Variants in KALRN observed in about 807,000 individuals in gnomAD.
The protein encoded by KALRN is kalirin RhoGEF kinase, also known as kalirin.
A neutral mutation model predicts 353.7 loss-of-function variants in KALRN; 70 were observed. The observed-to-expected ratio is 0.20, with a 90% CI of 0.16 to 0.24. The LOEUF (loss-of-function observed/expected upper bound fraction) is 0.24. Ranked by LOEUF, KALRN falls within the 10% of genes least tolerant of loss-of-function variation. KALRN has a pLI of 1.00. For missense variants in KALRN, 2,791 were observed against 3,756.7 expected, an observed-to-expected ratio of 0.74 and a Z score of 6.72; for synonymous variants, 1,391 against 1,434.8, an observed-to-expected ratio of 0.97 and a Z score of 0.69.
intron 15 of KALRN, 124 bp downstream of exon 15, chr3:124,423,102 C>G: frequency 1.3e-6 from 1 of 792,666 alleles, no homozygotes; most frequent in South Asian, 2.0e-5. Flanking sequence ...ACCAGCACTT[C>G]GAAAATAGGT....
intron 10 of KALRN, among the ~76,000 whole-genome samples, chr3:124,374,021 T>A (rs1205459845): frequency 6.6e-6 from 1 of 152,228 alleles, no homozygotes; most frequent in African/African-American, 2.4e-5. Flanking sequence ...ATGGTCTGAA[T>A]GTCTGTGTTT....
chr3:124,680,202 G>A (rs1264098071), intron 51 of KALRN, among the ~76,000 whole-genome samples: 3 of 152,264 alleles, frequency 2.0e-5, no homozygotes, highest in African/African-American at 7.2e-5. Flanking sequence ...CCTCTCCAGA[G>A]ATGGTGAGAT....
At chr3:124,425,119 A>G (rs900079088) in intron 15 of KALRN, among the ~76,000 whole-genome samples, 1 of 151,996 alleles carries the variant, frequency 6.6e-6, no homozygotes, top group Non-Finnish European at 1.5e-5. Context: ...TATAAGAGAT[A>G]GAGAAGGGTA....
At chr3:124,506,917 A>G (rs555783725) in intron 33 of KALRN, among the ~76,000 whole-genome samples, 2 of 152,262 alleles carry the variant, frequency 1.3e-5, no homozygotes, top group South Asian at 2.1e-4. Context: ...TAATTAATTC[A>G]TCAGTCATTT....
chr3:124,660,621 C>T (rs768627665), intron 43 of KALRN, among the ~76,000 whole-genome samples: 3 of 141,348 alleles, frequency 2.1e-5, no homozygotes, highest in Admixed American at 7.6e-5. Context: ...GCACAGGTTA[C>T]GGTGAGCCAA....
intron 57 of KALRN, among the ~76,000 whole-genome samples, chr3:124,707,971 A>C (rs2062718447): frequency 6.6e-6 from 1 of 152,188 alleles, no homozygotes. Context: ...GATGTAAACC[A>C]CTGCTCAGTG....
Position 124,235,019 on chromosome 3 carries a change from T to C in KALRN, c.263+76T>C. 3.0e-6 allele frequency: 3 copies of C among 1,006,114 alleles called. 1 individual carries two copies. The South Asian group carries it at 4.2e-5, about 14-fold the overall frequency. The allele number at this position is 1,006,114 out of a possible 1,614,324, so 62.3% of individuals were successfully genotyped here. A position where few individuals can be genotyped will look rare whatever the true frequency, so the allele number is the denominator to read the frequency against. ...ATGCCAGTTTTGGAAGGAGCCTCCA[T>C]CCCTGCCAGGGACCCTAGTGGTTTC... is the stretch of plus-strand genomic sequence containing the variant. On this transcript the variant is annotated intron_variant, in intron 3 of 59. Coordinates refer to ENST00000682506, the MANE Select transcript of KALRN (RefSeq NM_001388419.1).
chr3:124,297,870 A>C (rs1397501203), intron 5 of KALRN, among the ~76,000 whole-genome samples: 1 of 152,248 alleles, frequency 6.6e-6, no homozygotes, highest in East Asian at 1.9e-4. Flanking sequence ...GGCTGCCAGA[A>C]GAATGGCTGC....
chr3:124,298,883 G>A lies in KALRN; in HGVS notation c.1062G>A (p.Thr354=), dbSNP rs115909373. 1,588 of 1,614,162 alleles carry A rather than the reference G, an allele frequency of 9.8e-4. 13 individuals carry two copies. In the African/African-American group the frequency reaches 0.019, roughly 19 times the overall value. The change falls in exon 6 of 60, where the codon ACG becomes ACA. Residue 354 remains threonine (T), a synonymous_variant. Coordinates refer to ENST00000682506, the MANE Select transcript of KALRN (RefSeq NM_001388419.1). ...VSYQYALDLQ[T]QHNHFAMNSM... Reference sequence around the variant, plus strand: ...ACCAGTACGCCCTTGACCTCCAGACGCAGCACAATCACTTTGCCATGAACT... The same window carrying A: ...ACCAGTACGCCCTTGACCTCCAGACACAGCACAATCACTTTGCCATGAACT...
intron 33 of KALRN, among the ~76,000 whole-genome samples, chr3:124,516,274 C>T (rs145350798): frequency 6.6e-5 from 10 of 152,180 alleles, no homozygotes; most frequent in Admixed American, 2.0e-4. Flanking sequence ...GATTAAGAAC[C>T]GCTTTGAAGT....
chr3:124,450,298 G>A (rs2058654532), intron 21 of KALRN, among the ~76,000 whole-genome samples: 1 of 152,138 alleles, frequency 6.6e-6, no homozygotes, highest in South Asian at 2.1e-4. Flanking sequence ...GACTAATAAT[G>A]TTAAGAAAAT....
At chr3:124,282,669 G>A (rs140430886) in intron 5 of KALRN, among the ~76,000 whole-genome samples, 50 of 152,246 alleles carry the variant, frequency 3.3e-4, no homozygotes, top group African/African-American at 1.1e-3. Context: ...GAGCCACCAC[G>A]CCTGGCCTCT....
At chr3:124,256,529 A>C (rs1381499401) in intron 3 of KALRN, among the ~76,000 whole-genome samples, 1 of 152,184 alleles carries the variant, frequency 6.6e-6, no homozygotes, top group Admixed American at 6.5e-5. Flanking sequence ...AACTGTGCCT[A>C]ATAAAACCAC....
intron 28 of KALRN, among the ~76,000 whole-genome samples, chr3:124,486,941 G>A (rs1481319996): frequency 6.6e-6 from 1 of 152,140 alleles, no homozygotes; most frequent in Non-Finnish European, 1.5e-5. Flanking sequence ...AGACAGACCA[G>A]ATTTATCCTA....
chr3:124,701,444 G>C (rs1229415674), intron 56 of KALRN, among the ~76,000 whole-genome samples: 1 of 139,816 alleles, frequency 7.2e-6, no homozygotes, highest in African/African-American at 2.7e-5. Flanking sequence ...CTGGAGTGCA[G>C]TGGCGCGATC....
intron 33 of KALRN, among the ~76,000 whole-genome samples, chr3:124,506,242 A>G (rs977922295): frequency 6.6e-6 from 1 of 152,108 alleles, no homozygotes; most frequent in South Asian, 2.1e-4. Context: ...GCAGAACTGT[A>G]TAGATCAGAC....
At chr3:124,590,919 C>T (rs1161448168) in intron 34 of KALRN, among the ~76,000 whole-genome samples, 1 of 152,200 alleles carries the variant, frequency 6.6e-6, no homozygotes, top group Admixed American at 6.5e-5. Flanking sequence ...TCAGAACTAG[C>T]ATCCTTTTCT....
chr3:124,081,343 CTA>C (rs2060533577), intron 1 of KALRN, among the ~76,000 whole-genome samples: 1 of 152,200 alleles, frequency 6.6e-6, no homozygotes. Flanking sequence ...CCTGTCTTAC[CTA>C]TATGTTCTCA....
intron 34 of KALRN, chr3:124,584,932 G>A: frequency 6.3e-7 from 1 of 1,580,918 alleles, no homozygotes; most frequent in Non-Finnish European, 8.6e-7. Flanking sequence ...CGGCCTTGGT[G>A]CCTTCTGTTA....
Sources: allele counts gnomAD v4.1 joint callset (sites outside exome capture counted in the v4.1 genomes callset), GRCh38; gene constraint gnomAD v4.1.1; transcripts MANE v1.5; gene names NCBI Gene and HGNC (gene_info 2026-07-23, HGNC 2026-07-21).